Variants in STAU1 observed in about 807,000 individuals in gnomAD.
STAU1 encodes staufen double-stranded RNA binding protein 1.
STAU1 carries 13 observed loss-of-function variants against 62.9 expected under a neutral mutation model. The ratio of observed to expected loss-of-function variants is 0.21; its 90% CI spans 0.13 to 0.33. STAU1 has a LOEUF of 0.33. Among genes scored for constraint, STAU1 ranks in the 10% least tolerant of loss-of-function variants. The probability of loss-of-function intolerance (pLI) is 1.00; values close to 1 mark genes in which losing one functional copy is unlikely to be tolerated. For missense variants in STAU1, 571 were observed against 712.1 expected (o/e 0.80, Z 2.25); for synonymous variants, 269 against 265.1 (o/e 1.01, Z -0.14).
At chr20:49,217,151 A>AC in the STAU1 span, among the ~76,000 whole-genome samples, 1 of 151,008 alleles carries the variant, frequency 6.6e-6, no homozygotes, top group Non-Finnish European at 1.5e-5. Flanking sequence ...AAAACAAGCA[A>AC]CCCCCCACTC....
At chr20:49,203,552 G>A in the STAU1 span, among the ~76,000 whole-genome samples, 22,710 of 152,116 alleles carry the variant, frequency 0.15, 2,330 homozygotes, top group East Asian at 0.37. Flanking sequence ...TTAAGGTGAC[G>A]ATTCGAGAGG....
intron 1 of STAU1, among the ~76,000 whole-genome samples, chr20:49,180,051 A>C (rs561154154): frequency 2.6e-5 from 4 of 152,314 alleles, no homozygotes; most frequent in African/African-American, 9.6e-5. Flanking sequence ...AATACCAAAG[A>C]AGCTTCTGAT....
intron 1 of STAU1, among the ~76,000 whole-genome samples, chr20:49,176,904 G>A (rs1022301694): frequency 6.8e-6 from 1 of 147,990 alleles, no homozygotes; most frequent in Non-Finnish European, 1.5e-5. Flanking sequence ...TGAGAAGCAG[G>A]GTGTCTAGTT....
At chr20:49,178,901 G>C (rs901734311) in intron 1 of STAU1, among the ~76,000 whole-genome samples, 5 of 126,072 alleles carry the variant, frequency 4.0e-5, no homozygotes, top group African/African-American at 1.2e-4. Flanking sequence ...GTGAAACACC[G>C]TCTCCACTAA....
At chr20:49,165,796 AC>A (rs1311838160) in intron 3 of STAU1, among the ~76,000 whole-genome samples, 200 bp downstream of exon 3, 1 of 147,886 alleles carries the variant, frequency 6.8e-6, no homozygotes, top group Non-Finnish European at 1.5e-5. Context: ...CTCACAACCT[AC>A]AATCGTCTGT....
the STAU1 span, among the ~76,000 whole-genome samples, chr20:49,212,478 T>C: frequency 7.9e-5 from 12 of 152,292 alleles, no homozygotes; most frequent in African/African-American, 2.9e-4. Flanking sequence ...TCACCACACA[T>C]GGTTACCATC....
chr20:49,217,643 C>T, the STAU1 span, among the ~76,000 whole-genome samples: 4 of 148,712 alleles, frequency 2.7e-5, no homozygotes, highest in Non-Finnish European at 5.9e-5. Context: ...CTGTGTGGCT[C>T]CAAAGCCCAT....
At chr20:49,219,219 C>A in the STAU1 span, 1 of 810,548 alleles carries the variant, frequency 1.2e-6, no homozygotes. Context: ...AGGCCGGAGA[C>A]AATGGAATTT....
At position 49,147,561 on chromosome 20, in the gene STAU1, T is replaced by A. The variant is rs368165824; in HGVS notation, c.510+4021A>T. ...GTTGTAAAATGGCACCCTCTTTCTG[T>A]GGAGAACTTGGCCATATGTACCACC... On this transcript the variant is annotated intron_variant, in intron 5 of 13. Transcript: ENST00000371856. Among the ~76,000 whole-genome samples, 9 of 152,348 alleles carry A rather than the reference T, an allele frequency of 5.9e-5. No individual in the cohort carries two copies. The South Asian group carries it at 1.9e-3, about 32-fold the overall frequency.
At position 49,114,542 on chromosome 20, in the gene STAU1, G is replaced by GA. The variant is rs965468158; in HGVS notation, c.*335dup. ...GTGCCGTTTCTTCTTTCACACAGGG[G>GA]AAAAAAAAGACCAAACACGGAGGTG... On this transcript the variant is annotated 3_prime_UTR_variant, in exon 14 of 14. Coordinates refer to ENST00000371856, the MANE Select transcript of STAU1 (RefSeq NM_017453.4). 1.2e-3 allele frequency: 368 copies of GA among 305,104 alleles called. 1 individual carries two copies. Among genetic ancestry groups the GA allele is most frequent in the Non-Finnish European group, 4.8e-4 (78 of 163,366 alleles). 18.9% of individuals were successfully genotyped at this position (305,104 alleles called of 1,614,324 possible).
intron 1 of STAU1, among the ~76,000 whole-genome samples, chr20:49,178,902 T>G (rs1329278429): frequency 2.5e-5 from 3 of 121,146 alleles, no homozygotes; most frequent in African/African-American, 9.3e-5. Context: ...TGAAACACCG[T>G]CTCCACTAAA....
At chr20:49,178,496 C>G (rs569879161) in intron 1 of STAU1, among the ~76,000 whole-genome samples, 1 of 152,180 alleles carries the variant, frequency 6.6e-6, no homozygotes, top group Non-Finnish European at 1.5e-5. Context: ...CACCTGTAAT[C>G]CCAACACTTT....
At chr20:49,173,785 G>A (rs1017984918) in intron 2 of STAU1, among the ~76,000 whole-genome samples, 1 of 152,112 alleles carries the variant, frequency 6.6e-6, no homozygotes, top group Non-Finnish European at 1.5e-5. Context: ...AGCTTGATTC[G>A]TAACCCTATC....
rs781138991 is a variant in STAU1 at position 49,153,945 on chromosome 20, G to A, written c.332C>T (p.Ala111Val). ...AAAAAACACATACCTCGGGGGATAA[G>A]CACCTCCTCTCATGTTGTAGTTATA... ...STYNYNMRGG[A>V]YPPRYFYPFP... The change falls in exon 4 of 14, where the codon GCT (alanine) becomes GTT (valine). Residue 111 changes from alanine to valine, a missense_variant. Physicochemically the swap from Ala to Val is moderately conservative, Grantham distance 64. Around this residue, in one of 3 missense-constraint regions of STAU1, gnomAD observed 414 missense variants for 499.6 expected, o/e 0.83. Coordinates refer to ENST00000371856, the MANE Select transcript of STAU1 (RefSeq NM_017453.4). The A allele has an allele frequency of 1.9e-6, 3 of 1,583,022 alleles. No individual in the cohort carries two copies. The highest frequency in any genetic ancestry group is 2.6e-6 in the Non-Finnish European group (3 of 1,170,814).
intron 4 of STAU1, among the ~76,000 whole-genome samples, chr20:49,152,459 T>A (rs2093270977): frequency 6.7e-6 from 1 of 149,574 alleles, no homozygotes; most frequent in Admixed American, 6.7e-5. Flanking sequence ...TTCTCCTGCC[T>A]CAGCCTCCCG....
intron 3 of STAU1, among the ~76,000 whole-genome samples, chr20:49,163,627 T>C (rs1408056601): frequency 3.3e-5 from 5 of 152,084 alleles, no homozygotes; most frequent in Non-Finnish European, 7.4e-5. Context: ...GGTTTCACCA[T>C]GTTGGCCAGG....
In STAU1 at chr20:49,117,829, A is replaced by G. The variant is rs1568814635; in HGVS notation, c.1457T>C (p.Leu486Pro). The change falls in exon 11 of 14, where the codon CTC becomes CCC. Residue 486 changes from leucine to proline, a missense_variant. This residue lies in a region of STAU1 where 156 missense variants were observed against 194.7 expected (regional missense o/e 0.80). Transcript: ENST00000371856. This position sits in a 1 kb window ranked among gnomAD's most constrained non-coding sequence, Gnocchi z 4.6. The stretch of plus-strand genomic sequence containing the variant: ...GTCCAGTTGCTCAGAGGGTCTCGTG[A>G]GAGGTCCATGGGGTACGTGGCCTGA... Reference protein sequence around the residue: ...ISSGHVPHGPLTRPSEQLDYL... With the variant: ...ISSGHVPHGPPTRPSEQLDYL... 9.3e-6 allele frequency: 15 copies of G among 1,614,160 alleles called. No individual in the cohort carries two copies. The highest frequency in any genetic ancestry group is 1.3e-5 in the Non-Finnish European group (15 of 1,180,022).
chr20:49,172,941 A>C (rs2093615396), intron 2 of STAU1, among the ~76,000 whole-genome samples: 1 of 151,320 alleles, frequency 6.6e-6, no homozygotes, highest in East Asian at 2.0e-4. Context: ...GCAGTGAAAC[A>C]ATCTCGGCTC....
chr20:49,202,379 T>A, the STAU1 span, among the ~76,000 whole-genome samples: 1 of 151,616 alleles, frequency 6.6e-6, no homozygotes, highest in Non-Finnish European at 1.5e-5. Flanking sequence ...CTGGCCAACA[T>A]GGTAAAACTC....
Sources: allele counts gnomAD v4.1 joint callset (sites outside exome capture counted in the v4.1 genomes callset), GRCh38; gene constraint gnomAD v4.1.1; regional missense constraint gnomAD v4.1.1; non-coding constraint Gnocchi (gnomAD v3.1); transcripts MANE v1.5; gene names NCBI Gene and HGNC (gene_info 2026-07-23, HGNC 2026-07-21).